RBFOX1: variants seen among roughly 807,000 people sequenced by gnomAD.
The protein encoded by RBFOX1 is RNA binding protein fox-1 homolog 1.
In RBFOX1, 8 loss-of-function variants were observed where a neutral mutation model predicts 57.7. The ratio of observed to expected loss-of-function variants is 0.14; its 90% CI spans 0.08 to 0.25. The LOEUF (loss-of-function observed/expected upper bound fraction) is 0.25, where lower values mean the gene tolerates loss of function less well. Ranked by LOEUF, RBFOX1 falls within the 10% of genes least tolerant of loss-of-function variation. The probability of loss-of-function intolerance (pLI) is 1.00; values close to 1 mark genes in which losing one functional copy is unlikely to be tolerated. For synonymous variants in RBFOX1, 326 were observed against 222.4 expected (o/e 1.47, Z -4.15); for missense variants, 611 against 548.5 (o/e 1.11, Z -1.14).
chr16:5,758,350 C>T (rs147703787), intron 3 of RBFOX1, among the ~76,000 whole-genome samples: 17 of 152,220 alleles, frequency 1.1e-4, no homozygotes, highest in East Asian at 9.7e-4. Flanking sequence ...AATTGGAGCA[C>T]GGAGACCTGG....
At chr16:7,505,414 G>C (rs1008683469) in intron 4 of RBFOX1, among the ~76,000 whole-genome samples, 4 of 152,170 alleles carry the variant, frequency 2.6e-5, no homozygotes, top group Admixed American at 2.6e-4. Flanking sequence ...ATCTTCCTAA[G>C]TGCTTGATGC....
At chr16:6,257,151 T>C (rs1567790894) in intron 1 of RBFOX1, among the ~76,000 whole-genome samples, 1 of 152,180 alleles carries the variant, frequency 6.6e-6, no homozygotes, top group Non-Finnish European at 1.5e-5. Context: ...GTGCAGGACA[T>C]GCAGGTTTGT....
chr16:5,491,871 CA>C (rs1266123387), intron 2 of RBFOX1, among the ~76,000 whole-genome samples: 1 of 152,208 alleles, frequency 6.6e-6, no homozygotes, highest in African/African-American at 2.4e-5. Context: ...CAACAGGTAA[CA>C]ACAGACAAAC....
At chr16:7,662,724 G>T (rs552218123) in intron 12 of RBFOX1, among the ~76,000 whole-genome samples, 2 of 152,186 alleles carry the variant, frequency 1.3e-5, no homozygotes, top group Admixed American at 1.3e-4. Context: ...GGTGGGCACC[G>T]GGTCTCAAAC....
intron 2 of RBFOX1, among the ~76,000 whole-genome samples, chr16:6,368,204 C>T (rs529061238): frequency 6.6e-6 from 1 of 152,238 alleles, no homozygotes; most frequent in East Asian, 1.9e-4. Flanking sequence ...ATTATATACC[C>T]TGAATGAAAA....
At chr16:7,267,363 C>A (rs953746565) in intron 4 of RBFOX1, among the ~76,000 whole-genome samples, 1 of 151,574 alleles carries the variant, frequency 6.6e-6, no homozygotes, top group South Asian at 2.1e-4. Flanking sequence ...GGCAAAACCC[C>A]GTCTCTACTA....
chr16:5,295,311 T>A (rs1339399098), intron 1 of RBFOX1, among the ~76,000 whole-genome samples: 4 of 152,180 alleles, frequency 2.6e-5, no homozygotes, highest in Admixed American at 6.5e-5. Context: ...CTCAGTAATG[T>A]ACATGATGTA....
intron 2 of RBFOX1, among the ~76,000 whole-genome samples, chr16:5,543,290 G>A (rs1597460489): frequency 6.6e-6 from 1 of 152,244 alleles, no homozygotes; most frequent in African/African-American, 2.4e-5. Context: ...GTTAGAATTA[G>A]CAGAGAGGGA....
chr16:6,709,470 G>C (rs1265740272), intron 3 of RBFOX1, among the ~76,000 whole-genome samples: 1 of 152,168 alleles, frequency 6.6e-6, no homozygotes, highest in Non-Finnish European at 1.5e-5. Flanking sequence ...CAATATAGCT[G>C]ACAGCTCTTA....
intron 1 of RBFOX1, among the ~76,000 whole-genome samples, chr16:5,373,222 G>C (rs1424122686): frequency 6.6e-6 from 1 of 152,150 alleles, no homozygotes; most frequent in Non-Finnish European, 1.5e-5. Context: ...TCTAGGTGTC[G>C]TGTTACTGGG....
intron 3 of RBFOX1, among the ~76,000 whole-genome samples, chr16:6,938,807 C>A (rs2077815195): frequency 6.6e-6 from 1 of 152,218 alleles, no homozygotes; most frequent in Non-Finnish European, 1.5e-5. Context: ...TGGGTTGTGC[C>A]TGTAATCCCA....
At chr16:6,254,198 T>C (rs1486869709) in intron 1 of RBFOX1, among the ~76,000 whole-genome samples, 1 of 152,200 alleles carries the variant, frequency 6.6e-6, no homozygotes, top group Non-Finnish European at 1.5e-5. Context: ...GTGAGGCTAC[T>C]GGATATTGCC....
At chr16:7,201,521 G>T (rs985952180) in intron 4 of RBFOX1, among the ~76,000 whole-genome samples, 1 of 151,638 alleles carries the variant, frequency 6.6e-6, no homozygotes, top group African/African-American at 2.4e-5. Flanking sequence ...GAGTGCAATG[G>T]CACAATCTGG....
At chr16:5,592,841 C>A (rs1180799911) in intron 2 of RBFOX1, among the ~76,000 whole-genome samples, 1 of 152,104 alleles carries the variant, frequency 6.6e-6, no homozygotes, top group Non-Finnish European at 1.5e-5. Context: ...ATGTCAGAGC[C>A]CTGGGGTCAG....
chr16:6,614,108 T>C (rs1043594373), intron 2 of RBFOX1, among the ~76,000 whole-genome samples: 1 of 152,232 alleles, frequency 6.6e-6, no homozygotes, highest in Non-Finnish European at 1.5e-5. Flanking sequence ...GAATAGGTAA[T>C]ATTTTTGGAA....
At chr16:7,371,393 T>A (rs75216675) in intron 4 of RBFOX1, among the ~76,000 whole-genome samples, 1,900 of 152,276 alleles carry the variant, frequency 0.012, 42 homozygotes, top group African/African-American at 0.044. Flanking sequence ...TCTTGGATCT[T>A]ACTAAAGCTA....
At chr16:7,192,274 G>A (rs2085588108) in intron 4 of RBFOX1, among the ~76,000 whole-genome samples, 1 of 152,176 alleles carries the variant, frequency 6.6e-6, no homozygotes, top group South Asian at 2.1e-4. Flanking sequence ...CAAGGAGAGA[G>A]AGTTTCCTTG....
intron 4 of RBFOX1, among the ~76,000 whole-genome samples, chr16:7,179,067 G>C (rs1050909217): frequency 9.9e-5 from 15 of 152,012 alleles, no homozygotes; most frequent in African/African-American, 3.6e-4. Flanking sequence ...TCTTTAATCT[G>C]ATGCATAATT....
rs375057893 is a variant in RBFOX1, at chr16:5,325,583, C to T, written c.219+85478C>T. 9.2e-5 allele frequency among the ~76,000 whole-genome samples: 14 copies of T among 152,164 alleles called. No individual in the cohort carries two copies. The East Asian group carries it at 1.9e-3, about 21-fold the overall frequency. ...ACCCCCAAACACTACCCTGTGATAG[C>T]CCTCTGAAGTCATATCCTGCCCCAC... On this transcript the variant is annotated intron_variant, in intron 1 of 2. Transcript: ENST00000585867.
Sources: gnomAD v4.1 joint callset for allele counts (sites outside exome capture counted in the v4.1 genomes callset) on GRCh38, gnomAD v4.1.1 for gene constraint, MANE v1.5 for transcripts, NCBI Gene and HGNC (gene_info 2026-07-23, HGNC 2026-07-21) for gene names.